CDH12: variants seen among roughly 807,000 people sequenced by gnomAD.
CDH12 encodes the protein cadherin-12.
In CDH12, 41 loss-of-function variants were observed where a neutral mutation model predicts 74.1. The observed-to-expected ratio is 0.55, with a 90% CI of 0.43 to 0.72. The LOEUF is 0.72. CDH12 is among the 30% of genes least tolerant of loss of function. The pLI is 0.00. For synonymous variants in CDH12, 399 were observed against 355.0 expected (o/e 1.12, Z -1.39); for missense variants, 945 against 977.2 (o/e 0.97, Z 0.44).
chr5:21,810,509 T>G (rs1471590265), intron 9 of CDH12, among the ~76,000 whole-genome samples: 1 of 152,034 alleles, frequency 6.6e-6, no homozygotes, highest in Non-Finnish European at 1.5e-5. Flanking sequence ...GGAGAAAACA[T>G]GAGTAGGCAG....
intron 5 of CDH12, among the ~76,000 whole-genome samples, chr5:22,059,905 A>G (rs1741066745): frequency 6.6e-6 from 1 of 152,186 alleles, no homozygotes; most frequent in South Asian, 2.1e-4. Context: ...AACAATTATT[A>G]TTATCCAGTG....
chr5:22,282,617 G>A (rs936037915), intron 3 of CDH12, among the ~76,000 whole-genome samples: 4 of 152,126 alleles, frequency 2.6e-5, no homozygotes, highest in African/African-American at 9.7e-5. Flanking sequence ...AGACATTTAT[G>A]AGGCCAACAA....
chr5:22,108,434 T>C (rs992551152), intron 4 of CDH12, among the ~76,000 whole-genome samples: 1 of 152,248 alleles, frequency 6.6e-6, no homozygotes, highest in Non-Finnish European at 1.5e-5. Flanking sequence ...AATATTTTTA[T>C]GATACTCATA....
chr5:22,180,603 C>T (rs1457985741), intron 4 of CDH12, among the ~76,000 whole-genome samples: 2 of 151,972 alleles, frequency 1.3e-5, no homozygotes, highest in Non-Finnish European at 2.9e-5. Flanking sequence ...ACCTCTGCCT[C>T]CCGGGTTTCA....
intron 5 of CDH12, among the ~76,000 whole-genome samples, chr5:21,997,438 A>G (rs1332968009): frequency 1.3e-5 from 2 of 152,270 alleles, no homozygotes; most frequent in East Asian, 3.9e-4. Context: ...AATTATAGTT[A>G]CATGCCTGAA....
intron 2 of CDH12, among the ~76,000 whole-genome samples, chr5:22,471,001 T>C (rs984545512): frequency 7.9e-5 from 12 of 152,184 alleles, no homozygotes; most frequent in Non-Finnish European, 1.3e-4. Flanking sequence ...GGACCCTTAA[T>C]GCTACCTGGA....
intron 4 of CDH12, among the ~76,000 whole-genome samples, chr5:22,189,350 CA>C (rs1750134683): frequency 6.6e-6 from 1 of 151,928 alleles, no homozygotes; most frequent in South Asian, 2.1e-4. Flanking sequence ...GATTATATAC[CA>C]ACATGAGAGG....
intron 2 of CDH12, among the ~76,000 whole-genome samples, chr5:22,435,785 T>C (rs577020109): frequency 1.3e-5 from 2 of 152,094 alleles, no homozygotes; most frequent in South Asian, 4.1e-4. Context: ...CTGCACTTGA[T>C]GGATCACCTG....
At chr5:22,755,636 A>C (rs1745855938) in intron 1 of CDH12, among the ~76,000 whole-genome samples, 2 of 152,148 alleles carry the variant, frequency 1.3e-5, no homozygotes, top group Admixed American at 6.5e-5. Flanking sequence ...CGATTTACTT[A>C]AGGACAATGT....
chr5:22,542,758 A>G (rs1738163675), intron 1 of CDH12, among the ~76,000 whole-genome samples: 2 of 152,160 alleles, frequency 1.3e-5, no homozygotes, highest in Non-Finnish European at 2.9e-5. Context: ...AAACTAGGGC[A>G]TTGAACTTAA....
At chr5:21,833,251 ATTATATAACATATAATATATATTATATG>A (rs1209241259) in intron 8 of CDH12, among the ~76,000 whole-genome samples, 2 of 13,224 alleles carry the variant, frequency 1.5e-4, no homozygotes, top group Non-Finnish European at 1.9e-4. Flanking sequence ...TATATTATAT[ATTATATAACATATAATATATATTATATG>A]TTATATAACA....
chr5:22,335,959 C>A (rs1436504845), intron 3 of CDH12, among the ~76,000 whole-genome samples: 4 of 152,092 alleles, frequency 2.6e-5, no homozygotes, highest in African/African-American at 9.7e-5. Flanking sequence ...TTTGGAACTT[C>A]TTAGAGACTT....
At position 22,226,558 on chromosome 5, in the gene CDH12, C is replaced by A. The variant is rs532363315; in HGVS notation, c.-332-13915G>T. Reference sequence around the variant, plus strand: ...CTAGAAGCTTAATTCTGCTGATAACCTGAATAAGCTTGGAAGCTGATTCTT... The same window carrying A: ...CTAGAAGCTTAATTCTGCTGATAACATGAATAAGCTTGGAAGCTGATTCTT... On this transcript the variant is annotated intron_variant, in intron 3 of 14. Coordinates refer to ENST00000382254, the MANE Select transcript of CDH12 (RefSeq NM_004061.5). Among the ~76,000 whole-genome samples the A allele has an allele frequency of 2.6e-5, 4 of 152,146 alleles. No individual in the cohort carries two copies. In the South Asian group the frequency reaches 8.3e-4, roughly 32 times the overall value.
At position 22,608,130 on chromosome 5, in the gene CDH12, T is replaced by C. The variant is rs542588322; in HGVS notation, c.-522-102766A>G. 5.9e-5 allele frequency among the ~76,000 whole-genome samples: 9 copies of C among 152,274 alleles called. No homozygotes were observed. The East Asian group carries it at 1.6e-3, about 26-fold the overall frequency. ...GTAGATCCACTGAAAGCTTGCACCA[T>C]GTGCCTGTAAAAGCTGCAGACACTC... On this transcript the variant is annotated intron_variant, in intron 1 of 14. Coordinates refer to ENST00000382254, the MANE Select transcript of CDH12 (RefSeq NM_004061.5).
intron 5 of CDH12, among the ~76,000 whole-genome samples, chr5:21,997,322 A>G (rs1736355949): frequency 6.6e-6 from 1 of 152,162 alleles, no homozygotes; most frequent in African/African-American, 2.4e-5. Context: ...ATCCCTGTTT[A>G]AAGGGCCCAA....
At chr5:22,461,130 C>T (rs1240675535) in intron 2 of CDH12, among the ~76,000 whole-genome samples, 1 of 136,042 alleles carries the variant, frequency 7.4e-6, no homozygotes, top group Non-Finnish European at 1.5e-5. Context: ...CGGGTTCAAG[C>T]GATTCTCCTG....
intron 1 of CDH12, among the ~76,000 whole-genome samples, chr5:22,673,418 T>C (rs1168179312): frequency 6.6e-6 from 1 of 152,194 alleles, no homozygotes; most frequent in Non-Finnish European, 1.5e-5. Flanking sequence ...TCCTGGTTAA[T>C]ATACTTCCTG....
intron 5 of CDH12, among the ~76,000 whole-genome samples, chr5:21,990,602 T>C (rs1381518185): frequency 1.3e-5 from 2 of 152,092 alleles, no homozygotes; most frequent in Non-Finnish European, 2.9e-5. Context: ...TATTAACTTA[T>C]ATAAATGTGC....
intron 4 of CDH12, among the ~76,000 whole-genome samples, chr5:22,162,107 T>G (rs1167131345): frequency 6.6e-6 from 1 of 150,726 alleles, no homozygotes; most frequent in Non-Finnish European, 1.5e-5. Context: ...TCCTACAGCA[T>G]ACCCAAAGGG....
Sources: allele counts gnomAD v4.1 joint callset (sites outside exome capture counted in the v4.1 genomes callset), GRCh38; gene constraint gnomAD v4.1.1; transcripts MANE v1.5; gene names NCBI Gene and HGNC (gene_info 2026-07-23, HGNC 2026-07-21).